The following CA13 variants were observed in gnomAD, a reference collection of about 807,000 sequenced individuals.
CA13 encodes CA-XIII.
Under a neutral mutation model 31.5 loss-of-function variants are expected in CA13, and 21 were observed. The ratio of observed to expected loss-of-function variants is 0.67; its 90% CI spans 0.47 to 0.96. The LOEUF (loss-of-function observed/expected upper bound fraction) is 0.96. Ranked by LOEUF, CA13 falls within the 40% of genes least tolerant of loss-of-function variation. CA13 has a pLI of 0.00. For missense variants in CA13, 315 were observed against 318.9 expected (o/e 0.99, Z 0.09); for synonymous variants, 117 against 111.4 (o/e 1.05, Z -0.32).
At position 85,257,320 on chromosome 8, in the gene CA13, C is replaced by T. The variant is rs974788767; in HGVS notation, c.236-2101C>T. On this transcript the variant is annotated intron_variant, in intron 2 of 6. Coordinates refer to ENST00000321764, the MANE Select transcript of CA13 (RefSeq NM_198584.3). ...TATCCTAATTAGCAGAGAGTAAATG[C>T]GTGAGCAAACAGATCCTGTTGCCAG... 5.3e-5 allele frequency among the ~76,000 whole-genome samples: 8 copies of T among 152,126 alleles called. 1 individual carries two copies. The highest frequency in any genetic ancestry group is 1.4e-4 in the African/African-American group (6 of 41,420).
chr8:85,273,254 A>G (rs930355324), intron 6 of CA13, among the ~76,000 whole-genome samples: 1 of 152,188 alleles, frequency 6.6e-6, no homozygotes, highest in African/African-American at 2.4e-5. Context: ...TAGGTATTCT[A>G]GTGGGCATGT....
chr8:85,252,770 T>C (rs1807216858), intron 2 of CA13, among the ~76,000 whole-genome samples: 2 of 152,182 alleles, frequency 1.3e-5, no homozygotes, highest in African/African-American at 4.8e-5. Context: ...AAAAATATAG[T>C]TAATTTTTAA....
At chr8:85,266,769 T>C (rs1163041518) in intron 4 of CA13, 66 bp downstream of exon 4, 10 of 1,214,860 alleles carry the variant, frequency 8.2e-6, no homozygotes, top group African/African-American at 3.0e-5. Context: ...AGTCACGAAG[T>C]AGACATTCAA....
At chr8:85,255,251 C>T (rs568263393) in intron 2 of CA13, among the ~76,000 whole-genome samples, 1 of 151,748 alleles carries the variant, frequency 6.6e-6, no homozygotes, top group East Asian at 1.9e-4. Context: ...CACTACCATG[C>T]CTAGCTCATG....
chr8:85,260,818 C>T (rs183611351), intron 3 of CA13, among the ~76,000 whole-genome samples: 98 of 152,312 alleles, frequency 6.4e-4, no homozygotes, highest in Middle Eastern at 3.4e-3. Context: ...TTCTAAATGT[C>T]CAAAGCGCCC....
At chr8:85,250,229 C>G (rs908579333) in intron 1 of CA13, among the ~76,000 whole-genome samples, 2 of 152,100 alleles carry the variant, frequency 1.3e-5, no homozygotes, top group East Asian at 3.8e-4. Context: ...TGAGTGGAGG[C>G]CTGAGTGACA....
At chr8:85,277,784 A>C (rs893123319) in intron 6 of CA13, among the ~76,000 whole-genome samples, 1 of 152,124 alleles carries the variant, frequency 6.6e-6, no homozygotes, top group Admixed American at 6.5e-5. Context: ...AGTTCTCTGT[A>C]AACAGGAAGT....
intron 2 of CA13, among the ~76,000 whole-genome samples, chr8:85,256,929 C>A (rs1448231088): frequency 6.6e-5 from 10 of 152,132 alleles, no homozygotes; most frequent in Admixed American, 6.5e-4. Context: ...GTGGGAACAT[C>A]TGTGTCCTTT....
At chr8:85,264,976 G>C (rs1807437645) in intron 3 of CA13, among the ~76,000 whole-genome samples, 1 of 152,170 alleles carries the variant, frequency 6.6e-6, no homozygotes, top group South Asian at 2.1e-4. Context: ...ATGATGCACT[G>C]TTTTATAGTT....
chr8:85,248,415 C>T (rs1813767062), intron 1 of CA13, among the ~76,000 whole-genome samples: 1 of 151,282 alleles, frequency 6.6e-6, no homozygotes, highest in African/African-American at 2.4e-5. Flanking sequence ...GGAGATCACG[C>T]CATTGCACTC....
Position 85,250,892 on chromosome 8 carries a change from G to A in CA13, c.190G>A (p.Gly64Ser), listed in dbSNP as rs373427052. The stretch of plus-strand genomic sequence containing the variant: ...CTCAGCTAAAATCATCAGCAACAGC[G>A]GCCATTCCTTCAATGTTGACTTTGA... ...PSSAKIISNS[G>S]HSFNVDFDDT... The change falls in exon 2 of 7, where the codon GGC becomes AGC. Residue 64 changes from glycine (G) to serine (S), a missense_variant. Physicochemically the swap from Gly to Ser is moderately conservative, Grantham distance 56 (BLOSUM62 0). Transcript: ENST00000321764. 2.2e-5 allele frequency: 36 copies of A among 1,613,752 alleles called. No individual in the cohort carries two copies. Among genetic ancestry groups the A allele is most frequent in the Non-Finnish European group, 3.0e-5 (35 of 1,179,982 alleles).
intron 6 of CA13, among the ~76,000 whole-genome samples, chr8:85,278,442 C>T (rs1038826167): frequency 6.6e-6 from 1 of 152,046 alleles, no homozygotes; most frequent in Admixed American, 6.6e-5. Flanking sequence ...TGCGTGTGGA[C>T]ATAATAGATC....
At chr8:85,272,735 TTTA>T (rs1807544674) in intron 6 of CA13, among the ~76,000 whole-genome samples, 1 of 152,230 alleles carries the variant, frequency 6.6e-6, no homozygotes, top group Non-Finnish European at 1.5e-5. Context: ...TGGACACATT[TTTA>T]TGTCTTGTGT....
chr8:85,280,210 G>T (rs958363058), intron 6 of CA13, among the ~76,000 whole-genome samples: 19 of 152,198 alleles, frequency 1.2e-4, no homozygotes, highest in African/African-American at 4.6e-4. Context: ...AACCTGGGAG[G>T]TGGAGGTTGC....
At chr8:85,274,102 G>A (rs548058883) in intron 6 of CA13, among the ~76,000 whole-genome samples, 3 of 152,186 alleles carry the variant, frequency 2.0e-5, no homozygotes, top group African/African-American at 7.2e-5. Context: ...TTGGGACTGA[G>A]CCTGAGGAGG....
intron 2 of CA13, 64 bp downstream of exon 2, chr8:85,251,001 CTTTTT>C (rs34303043): frequency 5.3e-3 from 4,067 of 764,368 alleles, no homozygotes; most frequent in South Asian, 6.3e-3. Flanking sequence ...AGACTATACT[CTTTTT>C]TTTTTTTTTT....
intron 6 of CA13, among the ~76,000 whole-genome samples, chr8:85,278,404 C>G (rs924263439): frequency 2.0e-5 from 3 of 152,052 alleles, no homozygotes; most frequent in African/African-American, 7.2e-5. Flanking sequence ...TGGGACCACC[C>G]CTCCCAAAAC....
chr8:85,263,021 C>T (rs541201165), intron 3 of CA13, among the ~76,000 whole-genome samples: 2 of 152,024 alleles, frequency 1.3e-5, no homozygotes, highest in Non-Finnish European at 2.9e-5. Flanking sequence ...TGGCTGAGGG[C>T]TTAGGAAAAG....
At chr8:85,260,952 T>C (rs1807368471) in intron 3 of CA13, among the ~76,000 whole-genome samples, 1 of 152,228 alleles carries the variant, frequency 6.6e-6, no homozygotes, top group Non-Finnish European at 1.5e-5. Flanking sequence ...AAGTACTACA[T>C]ACTCAGAGAG....
Sources: gnomAD v4.1 joint callset for allele counts (sites outside exome capture counted in the v4.1 genomes callset) on GRCh38, gnomAD v4.1.1 for gene constraint, MANE v1.5 for transcripts, NCBI Gene and HGNC (gene_info 2026-07-23, HGNC 2026-07-21) for gene names.